The following PPME1 variants were observed in gnomAD, a reference collection of about 807,000 sequenced individuals.
PPME1 encodes protein phosphatase methylesterase 1.
In PPME1, 17 loss-of-function variants were observed where a neutral mutation model predicts 56.9. The observed-to-expected ratio is 0.30, with a 90% CI of 0.20 to 0.45. The LOEUF is 0.45. Among genes scored for constraint, PPME1 ranks in the 20% least tolerant of loss-of-function variants. The pLI is 1.00. For missense variants in PPME1, 357 were observed against 483.2 expected (o/e 0.74, Z 2.45); for synonymous variants, 122 against 156.2 (o/e 0.78, Z 1.63).
chr11:74,199,848 G>A (rs1320194803), intron 1 of PPME1, among the ~76,000 whole-genome samples: 2 of 152,152 alleles, frequency 1.3e-5, no homozygotes, highest in East Asian at 3.9e-4. Context: ...AAGTGAAAGG[G>A]GTTTCCCCTT....
chr11:74,236,035 C>G (rs2302508), intron 8 of PPME1, 69 bp downstream of exon 8: 251,341 of 1,565,326 alleles, frequency 0.16, 22,640 homozygotes, highest in East Asian at 0.29. Context: ...CAGATTGCTT[C>G]TTTTGTCTTA....
At chr11:74,185,752 T>C (rs1857663960) in intron 1 of PPME1, among the ~76,000 whole-genome samples, 1 of 152,152 alleles carries the variant, frequency 6.6e-6, no homozygotes, top group Admixed American at 6.6e-5. Context: ...AGAAAATTTA[T>C]TTTCTAATTT....
rs545909994 is a variant in PPME1, at chr11:74,244,770, C to A, written c.835-1306C>A. ...GTTCACTGCTTTTTGGTGTCATATC[C>A]AAGAAATCATTACCAAGTCTACTGT... On this transcript the variant is annotated intron_variant, in intron 9 of 13. Transcript: ENST00000328257. Among the ~76,000 whole-genome samples the A allele has an allele frequency of 9.9e-5, 15 of 152,184 alleles. No individual in the cohort carries two copies. The South Asian group carries it at 3.1e-3, about 32-fold the overall frequency.
At chr11:74,225,361 C>A in intron 5 of PPME1, 105 bp downstream of exon 5, 1 of 841,908 alleles carries the variant, frequency 1.2e-6, no homozygotes, top group Non-Finnish European at 1.7e-6. Flanking sequence ...GAATAATTAC[C>A]ACAAGGAAAA....
In PPME1 at chr11:74,230,224, C is replaced by A; in HGVS notation, c.399-21C>A. The A allele has an allele frequency of 6.3e-7, 1 of 1,584,788 alleles. No individual in the cohort carries two copies. The highest frequency in any genetic ancestry group is 8.6e-7 in the Non-Finnish European group (1 of 1,168,618). On this transcript the variant is annotated intron_variant, in intron 5 of 13. Transcript: ENST00000328257. This position sits in a 1 kb window ranked among gnomAD's most constrained non-coding sequence, Gnocchi z 4.9. Reference sequence around the variant, plus strand: ...GTGTTGTCAGAAAGCATTCTTAGATCTTTTTCTCTTCTCTTTGCAGAGACG... The same window carrying A: ...GTGTTGTCAGAAAGCATTCTTAGATATTTTTCTCTTCTCTTTGCAGAGACG...
intron 11 of PPME1, 48 bp downstream of exon 11, chr11:74,247,171 G>C (rs1453581484): frequency 3.3e-6 from 5 of 1,506,914 alleles, no homozygotes; most frequent in Non-Finnish European, 4.6e-6. Context: ...TGAAGAAAGG[G>C]TGATAGGGCA....
intron 12 of PPME1, 89 bp from the exon 13 acceptor site, chr11:74,251,559 G>C: frequency 6.4e-7 from 1 of 1,559,156 alleles, no homozygotes; most frequent in Non-Finnish European, 8.7e-7. Context: ...GGGCACCGTA[G>C]AGCCTAACCA....
At chr11:74,208,049 C>T (rs1338067600) in intron 3 of PPME1, among the ~76,000 whole-genome samples, 3 of 152,186 alleles carry the variant, frequency 2.0e-5, no homozygotes, top group Non-Finnish European at 2.9e-5. Flanking sequence ...CATGGTGGCT[C>T]ATGCCTGTAA....
intron 5 of PPME1, among the ~76,000 whole-genome samples, chr11:74,226,531 C>T (rs1189752113): frequency 1.3e-5 from 2 of 152,180 alleles, no homozygotes; most frequent in Non-Finnish European, 2.9e-5. Flanking sequence ...TATCCTCAAA[C>T]AGTCAAGGCT....
At chr11:74,245,627 TTACTA>T (rs747530448) in intron 9 of PPME1, among the ~76,000 whole-genome samples, 1 of 152,318 alleles carries the variant, frequency 6.6e-6, no homozygotes, top group East Asian at 1.9e-4. Flanking sequence ...TTTTAGTACT[TTACTA>T]TACCACATTT....
chr11:74,203,697 T>G (rs1362693659), intron 1 of PPME1, 31 bp from the exon 2 acceptor site: 2 of 1,554,806 alleles, frequency 1.3e-6, no homozygotes, highest in African/African-American at 1.4e-5. Flanking sequence ...GCATAATTTT[T>G]CTGAAATGTC....
At chr11:74,214,297 AAG>A (rs1469411695) in intron 3 of PPME1, among the ~76,000 whole-genome samples, 1 of 152,202 alleles carries the variant, frequency 6.6e-6, no homozygotes, top group Non-Finnish European at 1.5e-5. Flanking sequence ...ACAAAAGAAA[AAG>A]AATACAAAAA....
At chr11:74,222,280 T>G (rs758635006) in intron 3 of PPME1, 32 bp from the exon 4 acceptor site, 1 of 1,526,810 alleles carries the variant, frequency 6.5e-7, no homozygotes, top group Non-Finnish European at 9.1e-7. Context: ...TTATCCTAGA[T>G]GTGTCTTAAC....
chr11:74,228,585 C>T (rs964082198), intron 5 of PPME1, among the ~76,000 whole-genome samples: 2 of 152,134 alleles, frequency 1.3e-5, no homozygotes, highest in East Asian at 1.9e-4. Context: ...TTGGTTAACT[C>T]GTTGAAACAT....
intron 1 of PPME1, among the ~76,000 whole-genome samples, chr11:74,192,324 A>G (rs1857861920): frequency 6.6e-6 from 1 of 152,156 alleles, no homozygotes; most frequent in Admixed American, 6.5e-5. Context: ...ATGTACCACC[A>G]TTGTATCTTG....
At chr11:74,196,706 G>A (rs188554453) in intron 1 of PPME1, among the ~76,000 whole-genome samples, 85 of 152,248 alleles carry the variant, frequency 5.6e-4, no homozygotes, top group Middle Eastern at 3.4e-3. Context: ...GAAAGTAAGA[G>A]GAGGAACATA....
intron 1 of PPME1, among the ~76,000 whole-genome samples, chr11:74,185,345 G>A (rs1018325692): frequency 1.7e-4 from 26 of 152,126 alleles, no homozygotes; most frequent in Admixed American, 5.2e-4. Flanking sequence ...AGATGAGTCT[G>A]GGGAGGGGAT....
At position 74,235,046 on chromosome 11, in the gene PPME1, A is replaced by G. The variant is rs115654949; in HGVS notation, c.645-855A>G. Among the ~76,000 whole-genome samples, 390 of 152,340 alleles carry G rather than the reference A, an allele frequency of 2.6e-3. 4 individuals carry two copies. Among genetic ancestry groups the G allele is most frequent in the African/African-American group, 8.8e-3 (365 of 41,576 alleles). The stretch of plus-strand genomic sequence containing the variant: ...TTTGGTAGTTAAAAGATGAGGTAAT[A>G]GTTCTGATTGCCTCGGTTTACCATT... On this transcript the variant is annotated intron_variant, in intron 7 of 13. Transcript: ENST00000328257.
chr11:74,213,719 T>A (rs1479709761), intron 3 of PPME1, among the ~76,000 whole-genome samples: 1 of 152,262 alleles, frequency 6.6e-6, no homozygotes, highest in African/African-American at 2.4e-5. Flanking sequence ...CTGGATCTTA[T>A]CCAACACCAC....
Sources: allele counts gnomAD v4.1 joint callset (sites outside exome capture counted in the v4.1 genomes callset), GRCh38; gene constraint gnomAD v4.1.1; non-coding constraint Gnocchi (gnomAD v3.1); transcripts MANE v1.5; gene names NCBI Gene and HGNC (gene_info 2026-07-23, HGNC 2026-07-21).